Variants in PCDHA9 observed in about 807,000 individuals in gnomAD.
The protein encoded by PCDHA9 is protocadherin alpha-9.
In PCDHA9, 62 loss-of-function variants were observed where a neutral mutation model predicts 62.0. The ratio of observed to expected loss-of-function variants is 1.00; its 90% CI spans 0.81 to 1.23. The LOEUF is 1.23. PCDHA9 is among the 50% of genes most tolerant of loss of function. PCDHA9 has a pLI of 0.00. For synonymous variants in PCDHA9, 557 were observed against 567.6 expected (o/e 0.98, Z 0.27); for missense variants, 1,205 against 1,249.8 (o/e 0.96, Z 0.54).
intron 1 of PCDHA9, among the ~76,000 whole-genome samples, chr5:140,894,188 A>AT (rs1157134749): frequency 1.1e-4 from 17 of 152,072 alleles, no homozygotes; most frequent in African/African-American, 4.1e-4. Flanking sequence ...ATAGTTATAT[A>AT]TTTTTTCTAT....
intron 3 of PCDHA9, among the ~76,000 whole-genome samples, chr5:140,997,912 A>G (rs2097790316): frequency 6.6e-6 from 1 of 152,224 alleles, no homozygotes; most frequent in Admixed American, 6.5e-5. Flanking sequence ...GTAGAATTAC[A>G]GAATCATAGG....
intron 1 of PCDHA9, among the ~76,000 whole-genome samples, chr5:140,977,568 G>A (rs547387044): frequency 1.3e-5 from 2 of 152,312 alleles, no homozygotes; most frequent in East Asian, 1.9e-4. Context: ...TAGCAGATTG[G>A]TAGAATAGAG....
chr5:140,869,340 G>A (rs1554162920), intron 1 of PCDHA9: 4 of 1,614,018 alleles, frequency 2.5e-6, no homozygotes, highest in Non-Finnish European at 3.4e-6. Flanking sequence ...AGGTAAATCT[G>A]CAGAATGGCA....
intron 1 of PCDHA9, chr5:140,870,870 G>A: frequency 6.2e-7 from 1 of 1,613,948 alleles, no homozygotes; most frequent in Non-Finnish European, 8.5e-7. Flanking sequence ...CGGGCCACGT[G>A]GTGGCGAAGG....
At chr5:140,979,912 G>C (rs1554241237) in intron 2 of PCDHA9, among the ~76,000 whole-genome samples, 2 of 152,248 alleles carry the variant, frequency 1.3e-5, no homozygotes, top group South Asian at 2.1e-4. Flanking sequence ...AGTTCGTAAA[G>C]AGAAAGCCTA....
intron 1 of PCDHA9, among the ~76,000 whole-genome samples, chr5:140,896,881 A>C (rs1436700773): frequency 9.9e-5 from 15 of 152,204 alleles, no homozygotes; most frequent in Non-Finnish European, 1.3e-4. Context: ...TTTATGGGGT[A>C]TATGAGACAT....
chr5:140,877,457 C>T lies in PCDHA9; in HGVS notation c.2394+26568C>T, dbSNP rs73263833. On this transcript the variant is annotated intron_variant, in intron 1 of 3. Coordinates refer to ENST00000532602, the MANE Select transcript of PCDHA9 (RefSeq NM_031857.2). ...CACGGTGAGCCCGCGCTGACGTCCACGGCCACGGTGCTGGTGTCGCTGGTG... is the reference window on the plus strand; with the variant it reads ...CACGGTGAGCCCGCGCTGACGTCCATGGCCACGGTGCTGGTGTCGCTGGTG... 1.0e-3 allele frequency: 1,615 copies of T among 1,613,806 alleles called. 8 individuals carry two copies. The African/African-American group carries it at 0.018, about 18-fold the overall frequency.
At chr5:140,952,961 A>G (rs531904047) in intron 1 of PCDHA9, among the ~76,000 whole-genome samples, 1 of 152,158 alleles carries the variant, frequency 6.6e-6, no homozygotes, top group East Asian at 1.9e-4. Context: ...GGGAAGTGAT[A>G]CACACTTTTA....
chr5:140,857,035 G>A (rs1358871197), intron 1 of PCDHA9: 4 of 1,596,218 alleles, frequency 2.5e-6, no homozygotes, highest in Non-Finnish European at 3.4e-6. Context: ...ACCCACCTAT[G>A]GTTGGTCACT....
At chr5:140,968,125 T>G in intron 1 of PCDHA9, 2 of 1,614,174 alleles carry the variant, frequency 1.2e-6, no homozygotes, top group South Asian at 2.2e-5. Flanking sequence ...CATCCCTGCG[T>G]ACACTGAAGG....
intron 1 of PCDHA9, among the ~76,000 whole-genome samples, chr5:140,947,840 T>C (rs1554218335): frequency 6.6e-6 from 1 of 151,630 alleles, no homozygotes; most frequent in Non-Finnish European, 1.5e-5. Context: ...TAATATTTGT[T>C]TATTTATTTT....
intron 1 of PCDHA9, chr5:140,927,345 C>G (rs1391320223): frequency 1.2e-6 from 2 of 1,614,012 alleles, no homozygotes. Context: ...CCCAAGATGA[C>G]GACGAGGGAA....
chr5:140,882,788 C>T, intron 1 of PCDHA9: 1 of 1,614,216 alleles, frequency 6.2e-7, no homozygotes, highest in East Asian at 2.2e-5. Context: ...CCGACTGGAT[C>T]CCAACGATTA....
chr5:140,851,390 C>T (rs1410826615), intron 1 of PCDHA9: 3 of 973,626 alleles, frequency 3.1e-6, no homozygotes, highest in East Asian at 2.2e-4. Flanking sequence ...CCTTCAGTAT[C>T]TATTATTTTA....
At chr5:140,937,927 A>AT (rs201742095) in intron 1 of PCDHA9, among the ~76,000 whole-genome samples, 1 of 149,222 alleles carries the variant, frequency 6.7e-6, no homozygotes, top group Non-Finnish European at 1.5e-5. Flanking sequence ...AAAAAAAAAA[A>AT]GTTTAATTTG....
intron 1 of PCDHA9, among the ~76,000 whole-genome samples, chr5:140,896,091 G>A (rs1353012571): frequency 2.0e-5 from 3 of 152,104 alleles, no homozygotes; most frequent in African/African-American, 2.4e-5. Flanking sequence ...GATTACAGGC[G>A]TGAGCCACTG....
chr5:140,920,456 T>C (rs2079640226), intron 1 of PCDHA9, among the ~76,000 whole-genome samples: 1 of 152,192 alleles, frequency 6.6e-6, no homozygotes, highest in African/African-American at 2.4e-5. Flanking sequence ...AATTGACAAA[T>C]TTGTTATATT....
At position 141,009,759 on chromosome 5, in the gene PCDHA9, G is replaced by T. The variant is rs200822345; in HGVS notation, c.2675G>T (p.Gly892Val). The change falls in exon 4 of 4, where the codon GGA becomes GTA. Residue 892 changes from glycine to valine, a missense_variant. By Grantham distance (109) the Gly-to-Val change is moderately radical. Around this residue, in one of 3 missense-constraint regions of PCDHA9, gnomAD observed 887 missense variants for 809.5 expected, o/e 1.10. Transcript: ENST00000532602. ...GELPDKFIIP[G>V]SPAIISIRQE... ...TTGCCCGACAAATTCATTATCCCAG[G>T]ATCTCCTGCAATCATCTCCATCCGG... The T allele has an allele frequency of 6.7e-5, 108 of 1,614,082 alleles. 1 individual carries two copies. The East Asian group carries it at 2.2e-3, about 33-fold the overall frequency.
rs781787163 is a variant in PCDHA9, at chr5:140,869,186, G to A, written c.2394+18297G>A. 7 of 1,614,006 alleles carry A rather than the reference G, an allele frequency of 4.3e-6. No individual in the cohort carries two copies. The South Asian group carries it at 4.4e-5, about 10-fold the overall frequency. ...CTCCTCGAATTCTGGGAGGTGGGGA[G>A]CGGCCAGCTCCACTACTCCGTCTCG... On this transcript the variant is annotated intron_variant, in intron 1 of 3. Transcript: ENST00000532602.
Sources: gnomAD v4.1 joint callset for allele counts (sites outside exome capture counted in the v4.1 genomes callset) on GRCh38, gnomAD v4.1.1 for gene constraint, gnomAD v4.1.1 regional missense constraint, MANE v1.5 for transcripts, NCBI Gene and HGNC (gene_info 2026-07-23, HGNC 2026-07-21) for gene names.